The following KHDRBS2 variants were observed in gnomAD, a reference collection of about 807,000 sequenced individuals.
KHDRBS2 encodes the protein KH RNA binding domain containing, signal transduction associated 2.
Under a neutral mutation model 44.3 loss-of-function variants are expected in KHDRBS2, and 26 were observed. That is an observed-to-expected ratio of 0.59 (90% CI 0.43 to 0.81). The LOEUF is 0.81. Among genes scored for constraint, KHDRBS2 ranks in the 40% least tolerant of loss-of-function variants. The probability of loss-of-function intolerance (pLI) is 0.00; values close to 1 mark genes in which losing one functional copy is unlikely to be tolerated. For missense variants in KHDRBS2, 476 were observed against 433.1 expected (o/e 1.10, Z -0.88); for synonymous variants, 194 against 151.1 (o/e 1.28, Z -2.08).
At chr6:61,915,034 C>G (rs1806745242) in intron 4 of KHDRBS2, among the ~76,000 whole-genome samples, 1 of 152,110 alleles carries the variant, frequency 6.6e-6, no homozygotes, top group African/African-American at 2.4e-5. Flanking sequence ...AAAATAATAA[C>G]CCAGTTTTCC....
chr6:61,956,392 C>T (rs188567184), intron 4 of KHDRBS2, among the ~76,000 whole-genome samples: 2 of 152,130 alleles, frequency 1.3e-5, no homozygotes, highest in African/African-American at 4.8e-5. Flanking sequence ...GATTCACTGA[C>T]AAAATTGAAG....
chr6:61,810,409 T>C (rs540305627), intron 6 of KHDRBS2, among the ~76,000 whole-genome samples: 209 of 152,264 alleles, frequency 1.4e-3, no homozygotes, highest in Middle Eastern at 6.8e-3. Context: ...ATATAAGCCT[T>C]GGGCTTCCTA....
chr6:62,113,784 T>C (rs1207360672), intron 2 of KHDRBS2, among the ~76,000 whole-genome samples: 2 of 152,048 alleles, frequency 1.3e-5, no homozygotes, highest in African/African-American at 2.4e-5. Context: ...AATTTACAAA[T>C]CTCAAACTCT....
intron 8 of KHDRBS2, among the ~76,000 whole-genome samples, chr6:61,686,416 T>C (rs1766820872): frequency 6.6e-6 from 1 of 151,828 alleles, no homozygotes; most frequent in East Asian, 1.9e-4. Flanking sequence ...GGAGTATTAT[T>C]CTATTTGAAA....
chr6:61,954,994 A>G lies in KHDRBS2; in HGVS notation c.483+23072T>C, dbSNP rs563932320. On this transcript the variant is annotated intron_variant, in intron 4 of 8. Transcript: ENST00000281156. ...CATACATATGTATGTGTATACATAT[A>G]TAGACATACATATGTATGTATACAC... Among the ~76,000 whole-genome samples, 52 of 143,638 alleles carry G rather than the reference A, an allele frequency of 3.6e-4. No individual in the cohort carries two copies. In the East Asian group the frequency reaches 1.0e-2, roughly 28 times the overall value. The allele number at this position is 143,638 out of a possible 152,430, so 94.2% of individuals were successfully genotyped here.
chr6:62,058,888 A>T (rs1170860754), intron 2 of KHDRBS2, among the ~76,000 whole-genome samples: 1 of 151,872 alleles, frequency 6.6e-6, no homozygotes, highest in East Asian at 1.9e-4. Context: ...ATATTACCAC[A>T]AATATAATTT....
the KHDRBS2 span, among the ~76,000 whole-genome samples, chr6:61,605,450 T>C: frequency 6.6e-6 from 1 of 152,212 alleles, no homozygotes; most frequent in Non-Finnish European, 1.5e-5. Flanking sequence ...TGGCAGGATA[T>C]GCTGAACCTC....
intron 3 of KHDRBS2, among the ~76,000 whole-genome samples, chr6:62,038,875 T>A (rs542562672): frequency 6.6e-5 from 10 of 152,218 alleles, no homozygotes; most frequent in Admixed American, 2.6e-4. Context: ...ATCCTTATTA[T>A]TTTGCTTTTT....
chr6:62,169,119 G>A (rs1819356085), intron 2 of KHDRBS2, among the ~76,000 whole-genome samples: 1 of 132,534 alleles, frequency 7.5e-6, no homozygotes, highest in South Asian at 2.3e-4. Context: ...ATATATGTGT[G>A]TATATATACA....
chr6:61,787,836 A>C (rs1390082757), intron 6 of KHDRBS2, among the ~76,000 whole-genome samples: 2 of 151,656 alleles, frequency 1.3e-5, no homozygotes, highest in African/African-American at 4.8e-5. Flanking sequence ...ACTGCATTTT[A>C]ACAGTAAAAG....
chr6:61,970,641 T>C (rs1160415564), intron 4 of KHDRBS2, among the ~76,000 whole-genome samples: 1 of 152,170 alleles, frequency 6.6e-6, no homozygotes, highest in Non-Finnish European at 1.5e-5. Flanking sequence ...TTGCAACAGT[T>C]CTACTGGTCT....
chr6:61,908,859 A>G (rs1805535389), intron 4 of KHDRBS2, among the ~76,000 whole-genome samples: 1 of 152,154 alleles, frequency 6.6e-6, no homozygotes, highest in African/African-American at 2.4e-5. Context: ...TTCAAATAGT[A>G]AAGAATGCTT....
chr6:62,234,859 T>C (rs1833450446), intron 1 of KHDRBS2, among the ~76,000 whole-genome samples: 1 of 151,952 alleles, frequency 6.6e-6, no homozygotes, highest in Non-Finnish European at 1.5e-5. Flanking sequence ...ACTGAGCTTC[T>C]AGGTCAGAGT....
intron 3 of KHDRBS2, among the ~76,000 whole-genome samples, chr6:62,010,603 G>C (rs943075705): frequency 6.6e-6 from 1 of 152,100 alleles, no homozygotes; most frequent in Admixed American, 6.5e-5. Flanking sequence ...GACCCAGTGG[G>C]AGATGACTGA....
At chr6:61,678,400 T>C (rs1561959768), downstream of KHDRBS2, among the ~76,000 whole-genome samples, 1 of 152,124 alleles carries the variant, frequency 6.6e-6, no homozygotes, top group East Asian at 1.9e-4. Context: ...AAAAGCTTAC[T>C]GATCAGTCTA....
At chr6:62,137,973 C>G (rs774156340) in intron 2 of KHDRBS2, among the ~76,000 whole-genome samples, 1 of 152,170 alleles carries the variant, frequency 6.6e-6, no homozygotes, top group South Asian at 2.1e-4. Flanking sequence ...TCCATGTTTA[C>G]TGTTCTGCGT....
At chr6:61,943,800 AC>A (rs927286275) in intron 4 of KHDRBS2, among the ~76,000 whole-genome samples, 5 of 152,174 alleles carry the variant, frequency 3.3e-5, no homozygotes, top group African/African-American at 1.2e-4. Context: ...AAACAACTCA[AC>A]TATTAAAAAG....
rs143745281 is a variant in KHDRBS2 at position 62,232,262 on chromosome 6, G to T, written c.91+53596C>A. Among the ~76,000 whole-genome samples the T allele has an allele frequency of 5.7e-3, 869 of 152,162 alleles. 10 individuals carry two copies. Among genetic ancestry groups the T allele is most frequent in the African/African-American group, 0.02 (842 of 41,514 alleles). On this transcript the variant is annotated intron_variant, in intron 1 of 8. Transcript: ENST00000281156. Reference sequence around the variant, plus strand: ...ATGAAGGAAAGAATTCTGTTTTGCTGAGATCTGTATTCTCATTGCTCAAAA... The same window carrying T: ...ATGAAGGAAAGAATTCTGTTTTGCTTAGATCTGTATTCTCATTGCTCAAAA...
the KHDRBS2 span, among the ~76,000 whole-genome samples, chr6:61,666,564 A>C: frequency 6.6e-6 from 1 of 151,366 alleles, no homozygotes; most frequent in Admixed American, 6.6e-5. Context: ...TTCTGAGTAC[A>C]CCAGACCCTG....
Sources: allele counts gnomAD v4.1 joint callset (sites outside exome capture counted in the v4.1 genomes callset), GRCh38; gene constraint gnomAD v4.1.1; transcripts MANE v1.5; gene names NCBI Gene and HGNC (gene_info 2026-07-23, HGNC 2026-07-21).